Variants in TMEM117 observed in about 807,000 individuals in gnomAD.
The protein encoded by TMEM117 is transmembrane protein 117.
TMEM117 carries 27 observed loss-of-function variants against 52.4 expected under a neutral mutation model. That is an observed-to-expected ratio of 0.51 (90% CI 0.38 to 0.71). TMEM117 has a LOEUF of 0.71. TMEM117 is among the 30% of genes least tolerant of loss of function. TMEM117 has a pLI of 0.00. For missense variants in TMEM117, 556 were observed against 630.5 expected, an observed-to-expected ratio of 0.88 and a Z score of 1.26; for synonymous variants, 215 against 206.3, an observed-to-expected ratio of 1.04 and a Z score of -0.36.
downstream of TMEM117, among the ~76,000 whole-genome samples, chr12:44,393,113 A>C (rs1017529717): frequency 6.6e-6 from 1 of 152,194 alleles, no homozygotes; most frequent in African/African-American, 2.4e-5. Context: ...ACTACTGATA[A>C]TATTTTAATT....
intron 5 of TMEM117, among the ~76,000 whole-genome samples, chr12:44,246,536 T>G (rs914781213): frequency 1.3e-5 from 2 of 152,218 alleles, no homozygotes; most frequent in Non-Finnish European, 2.9e-5. Context: ...AGTGTCATCA[T>G]TTAGACATGC....
intron 6 of TMEM117, among the ~76,000 whole-genome samples, chr12:44,337,818 G>A (rs1405522524): frequency 1.3e-5 from 2 of 152,060 alleles, no homozygotes; most frequent in African/African-American, 2.4e-5. Flanking sequence ...ATTAGGGAAT[G>A]TAGAATATTT....
chr12:44,292,686 C>T (rs1950719665), intron 5 of TMEM117, among the ~76,000 whole-genome samples: 1 of 151,940 alleles, frequency 6.6e-6, no homozygotes, highest in South Asian at 2.1e-4. Context: ...AAGATACTTT[C>T]TGATTTCCCT....
chr12:44,354,155 C>A (rs2138788268), intron 6 of TMEM117, among the ~76,000 whole-genome samples: 1 of 152,224 alleles, frequency 6.6e-6, no homozygotes, highest in Non-Finnish European at 1.5e-5. Flanking sequence ...TATCCTGAGA[C>A]TTTGCTGAAG....
intron 3 of TMEM117, among the ~76,000 whole-genome samples, chr12:44,027,165 T>TTTTA (rs1328424605): frequency 2.1e-4 from 26 of 125,724 alleles, no homozygotes; most frequent in African/African-American, 9.0e-4. Context: ...TTTTATTTTA[T>TTTTA]TTTATTTTAT....
Position 44,376,645 on chromosome 12 carries a change from T to C in TMEM117, c.819T>C (p.Gly273=). Residue 273 remains glycine, a synonymous_variant, in exon 7 of 8, where the codon GGT becomes GGC. Coordinates refer to ENST00000266534, the MANE Select transcript of TMEM117 (RefSeq NM_032256.3). ...FMGDVDVNLP[G]LHTPHMQFKI... is the part of the protein sequence containing the mutation. ...GAGATGTTGATGTAAATCTCCCTGGTTTGCACACCCCTCACATGCAGTTCA... is the reference window on the plus strand; with the variant it reads ...GAGATGTTGATGTAAATCTCCCTGGCTTGCACACCCCTCACATGCAGTTCA... The C allele has an allele frequency of 5.6e-6, 9 of 1,612,098 alleles. No homozygotes were observed. The highest frequency in any genetic ancestry group is 7.6e-6 in the Non-Finnish European group (9 of 1,179,246).
chr12:43,795,814 T>G, the TMEM117 span: 2 of 1,564,338 alleles, frequency 1.3e-6, no homozygotes, highest in Non-Finnish European at 1.7e-6. Context: ...AACAAGCTGG[T>G]TTTCAGGTAT....
chr12:44,061,032 A>G (rs1947131218), intron 3 of TMEM117, among the ~76,000 whole-genome samples: 1 of 152,152 alleles, frequency 6.6e-6, no homozygotes, highest in African/African-American at 2.4e-5. Context: ...TAACAACCCA[A>G]TTAAGTAGAC....
intron 2 of TMEM117, among the ~76,000 whole-genome samples, chr12:43,938,418 G>A (rs926123326): frequency 4.6e-5 from 7 of 151,910 alleles, no homozygotes; most frequent in African/African-American, 1.2e-4. Flanking sequence ...GGGCAAAAGC[G>A]TTATCTTTTC....
chr12:43,802,166 C>T, the TMEM117 span: 405 of 598,208 alleles, frequency 6.8e-4, 1 homozygote, highest in Non-Finnish European at 9.8e-4. Flanking sequence ...AAGGATTTTC[C>T]TCATGATCAT....
At chr12:43,854,762 G>T (rs1228114204) in intron 2 of TMEM117, among the ~76,000 whole-genome samples, 1 of 151,854 alleles carries the variant, frequency 6.6e-6, no homozygotes, top group Admixed American at 6.6e-5. Context: ...TCAGCCTCCT[G>T]AGTAGCTGGT....
rs564797960 is a variant in TMEM117 at position 44,209,281 on chromosome 12, G to T, written c.511-2009G>T. ...TTTCCAGTAACAATGTAATTCACTT[G>T]ATTCATGGTTAATTTTTATTCTATC... On this transcript the variant is annotated intron_variant, in intron 4 of 7. Coordinates refer to ENST00000266534, the MANE Select transcript of TMEM117 (RefSeq NM_032256.3). Among the ~76,000 whole-genome samples, 3 of 152,002 alleles carry T rather than the reference G, an allele frequency of 2.0e-5. No individual in the cohort carries two copies. The South Asian group carries it at 6.2e-4, about 32-fold the overall frequency.
intron 3 of TMEM117, among the ~76,000 whole-genome samples, chr12:43,978,100 T>G (rs1464628747): frequency 6.6e-6 from 1 of 152,154 alleles, no homozygotes; most frequent in Admixed American, 6.6e-5. Context: ...TTGGGTAAGT[T>G]GAAATTGTTC....
At chr12:44,094,340 G>A (rs915911768) in intron 3 of TMEM117, among the ~76,000 whole-genome samples, 39 of 152,070 alleles carry the variant, frequency 2.6e-4, no homozygotes, top group Non-Finnish European at 4.7e-4. Context: ...CATGCATTTG[G>A]TAATTGGACA....
intron 6 of TMEM117, among the ~76,000 whole-genome samples, chr12:44,364,451 A>C: frequency 6.6e-6 from 1 of 152,120 alleles, no homozygotes; most frequent in Non-Finnish European, 1.5e-5. Flanking sequence ...TATATTGCAG[A>C]GATATTATAT....
chr12:44,154,530 C>G (rs1948799131), intron 4 of TMEM117, among the ~76,000 whole-genome samples: 1 of 151,914 alleles, frequency 6.6e-6, no homozygotes, highest in Non-Finnish European at 1.5e-5. Context: ...GAACCTGTAG[C>G]TATTGAAGAA....
At chr12:43,903,120 A>G (rs1340758700) in intron 2 of TMEM117, among the ~76,000 whole-genome samples, 2 of 152,220 alleles carry the variant, frequency 1.3e-5, no homozygotes, top group Non-Finnish European at 2.9e-5. Flanking sequence ...AGAATAAAAT[A>G]TTATCAGACC....
chr12:43,902,252 G>A (rs937765160), intron 2 of TMEM117, among the ~76,000 whole-genome samples: 1 of 152,182 alleles, frequency 6.6e-6, no homozygotes, highest in Admixed American at 6.5e-5. Context: ...GACACTGGGG[G>A]AAAGATTATT....
Position 44,389,063 on chromosome 12 carries a change from T to TA in TMEM117, c.*392dup. 6.5e-6 allele frequency: 1 copy of TA among 154,070 alleles called. No individual in the cohort carries two copies. Among genetic ancestry groups the TA allele is most frequent in the South Asian group, 1.7e-4 (1 of 5,892 alleles). The allele number at this position is 154,070 out of a possible 1,614,324, so 9.5% of individuals were successfully genotyped here. A position where few individuals can be genotyped will look rare whatever the true frequency, so the allele number is the denominator to read the frequency against. ...TAACCTATTTCACATGGGCGTTTTG[T>TA]ATACAACTATTTTGATCTACACTTG... On this transcript the variant is annotated 3_prime_UTR_variant, in exon 8 of 8. Transcript: ENST00000266534.
Sources: allele counts gnomAD v4.1 joint callset (sites outside exome capture counted in the v4.1 genomes callset), GRCh38; gene constraint gnomAD v4.1.1; transcripts MANE v1.5; gene names NCBI Gene and HGNC (gene_info 2026-07-23, HGNC 2026-07-21).